Variants in INPP4A observed in about 807,000 individuals in gnomAD.
The protein encoded by INPP4A is inositol polyphosphate-4-phosphatase type I A.
Under a neutral mutation model 119.8 loss-of-function variants are expected in INPP4A, and 33 were observed. The ratio of observed to expected loss-of-function variants is 0.28; its 90% CI spans 0.21 to 0.37. The LOEUF (loss-of-function observed/expected upper bound fraction) is 0.37. INPP4A is among the 10% of genes least tolerant of loss of function. INPP4A has a pLI of 1.00. For synonymous variants in INPP4A, 496 were observed against 500.7 expected, an observed-to-expected ratio of 0.99 and a Z score of 0.12; for missense variants, 956 against 1,289.9, an observed-to-expected ratio of 0.74 and a Z score of 3.97.
At chr2:98,470,829 G>A (rs763047313) in intron 1 of INPP4A, among the ~76,000 whole-genome samples, 3 of 151,922 alleles carry the variant, frequency 2.0e-5, no homozygotes, top group Admixed American at 6.6e-5. Context: ...CACCACGCCC[G>A]GCTAATTTTT....
chr2:98,565,771 AGT>A lies in INPP4A; in HGVS notation c.2279+8_2279+9del. 1 of 1,610,378 alleles carries A rather than the reference AGT, an allele frequency of 6.2e-7. No homozygotes were observed. The highest frequency in any genetic ancestry group is 2.2e-5 in the East Asian group (1 of 44,826). ...GCCCGTCATCACAGGAAATCGGTAG[AGT>A]GTTGGTTTAAAATTCTCTGAGCCAG... On this transcript the variant is annotated splice_donor_region_variant and intron_variant, in intron 20 of 24. Coordinates refer to ENST00000409851, the MANE Select transcript of INPP4A (RefSeq NM_001134225.2).
At chr2:98,583,262 A>G (rs1699584146) in intron 24 of INPP4A, among the ~76,000 whole-genome samples, 1 of 152,196 alleles carries the variant, frequency 6.6e-6, no homozygotes, top group Non-Finnish European at 1.5e-5. Flanking sequence ...TTAAAGTTCC[A>G]ACATCTTTTC....
At chr2:98,496,043 A>G (rs1438134625) in intron 1 of INPP4A, among the ~76,000 whole-genome samples, 1 of 152,194 alleles carries the variant, frequency 6.6e-6, no homozygotes, top group African/African-American at 2.4e-5. Flanking sequence ...GTGTCTTATT[A>G]CTGCAGAGAG....
intron 17 of INPP4A, among the ~76,000 whole-genome samples, chr2:98,561,124 A>G (rs997441454): frequency 6.6e-6 from 1 of 152,218 alleles, no homozygotes; most frequent in Non-Finnish European, 1.5e-5. Flanking sequence ...ATGAGGGGAA[A>G]ATGCAGAAGC....
intron 1 of INPP4A, among the ~76,000 whole-genome samples, chr2:98,469,521 G>A (rs558658642): frequency 9.2e-4 from 137 of 149,160 alleles, no homozygotes; most frequent in Non-Finnish European, 1.6e-3. Flanking sequence ...AAAGAACTTG[G>A]GCCGGGTGCG....
intron 22 of INPP4A, 38 bp from the exon 23 acceptor site, chr2:98,572,777 T>G (rs1423061040): frequency 6.9e-7 from 1 of 1,444,414 alleles, no homozygotes; most frequent in East Asian, 2.5e-5. Context: ...AGTTCCTGGG[T>G]GCGTCACCCA....
chr2:98,553,146 G>A (rs766616136), intron 14 of INPP4A, among the ~76,000 whole-genome samples, 177 bp downstream of exon 14: 1 of 152,202 alleles, frequency 6.6e-6, no homozygotes, highest in Non-Finnish European at 1.5e-5. Context: ...TGATTTGTCC[G>A]CAGAGCTGGA....
intron 23 of INPP4A, among the ~76,000 whole-genome samples, chr2:98,575,313 C>T (rs1159730990): frequency 6.6e-6 from 1 of 152,250 alleles, no homozygotes; most frequent in Admixed American, 6.5e-5. Context: ...GCCTGCCTTC[C>T]AGAACCTCAC....
At chr2:98,515,511 T>A (rs1403925509) in intron 1 of INPP4A, among the ~76,000 whole-genome samples, 1 of 152,216 alleles carries the variant, frequency 6.6e-6, no homozygotes. Context: ...GGGCTTTTTC[T>A]TTGGGTTGAT....
At chr2:98,556,528 C>T (rs971546731) in intron 16 of INPP4A, among the ~76,000 whole-genome samples, 16 of 152,316 alleles carry the variant, frequency 1.1e-4, no homozygotes, top group East Asian at 3.9e-4. Context: ...GAGATGTCTC[C>T]GCCTTTTCCT....
chr2:98,459,175 G>T (rs529241748), intron 1 of INPP4A, among the ~76,000 whole-genome samples: 82 of 152,342 alleles, frequency 5.4e-4, no homozygotes, highest in Non-Finnish European at 1.0e-3. Flanking sequence ...CCAGGAGTGG[G>T]AGTGACACTG....
chr2:98,483,935 A>C (rs766342475), intron 1 of INPP4A, among the ~76,000 whole-genome samples: 1 of 151,828 alleles, frequency 6.6e-6, no homozygotes, highest in Non-Finnish European at 1.5e-5. Context: ...CTGCACCCCC[A>C]TCCCTCCTTG....
intron 1 of INPP4A, among the ~76,000 whole-genome samples, chr2:98,459,008 C>G (rs1433382754): frequency 6.6e-6 from 1 of 152,252 alleles, no homozygotes; most frequent in Non-Finnish European, 1.5e-5. Context: ...TTGATTTTGA[C>G]TGACTTTTAC....
chr2:98,578,464 C>G (rs1322654126), intron 24 of INPP4A, among the ~76,000 whole-genome samples: 1 of 152,200 alleles, frequency 6.6e-6, no homozygotes, highest in African/African-American at 2.4e-5. Context: ...ACAGTCCATG[C>G]GGAAACCTCT....
intron 1 of INPP4A, among the ~76,000 whole-genome samples, chr2:98,473,154 AGT>A (rs1344081834): frequency 1.3e-5 from 2 of 149,126 alleles, no homozygotes; most frequent in African/African-American, 5.0e-5. Flanking sequence ...TGTGGAGGGC[AGT>A]GTGGGTGCAG....
At chr2:98,483,878 C>T (rs952967624) in intron 1 of INPP4A, among the ~76,000 whole-genome samples, 1 of 152,146 alleles carries the variant, frequency 6.6e-6, no homozygotes, top group Non-Finnish European at 1.5e-5. Flanking sequence ...GTCCGGTCTT[C>T]CTCTCCACCC....
At chr2:98,558,978 C>G (rs184441371) in intron 16 of INPP4A, among the ~76,000 whole-genome samples, 379 of 152,306 alleles carry the variant, frequency 2.5e-3, no homozygotes, top group Non-Finnish European at 4.2e-3. Context: ...CTTTGGATCT[C>G]AGCAGTCGAT....
chr2:98,552,275 G>T (rs1040970054), intron 13 of INPP4A, among the ~76,000 whole-genome samples: 8 of 152,196 alleles, frequency 5.3e-5, no homozygotes, highest in Non-Finnish European at 1.0e-4. Context: ...ACGACTGTGG[G>T]TATGTTCACA....
At chr2:98,468,766 T>C (rs1046594525) in intron 1 of INPP4A, among the ~76,000 whole-genome samples, 9 of 152,320 alleles carry the variant, frequency 5.9e-5, no homozygotes, top group African/African-American at 2.2e-4. Flanking sequence ...GGTTCATTGC[T>C]GGACCATGAG....
Sources: gnomAD v4.1 joint callset for allele counts (sites outside exome capture counted in the v4.1 genomes callset) on GRCh38, gnomAD v4.1.1 for gene constraint, MANE v1.5 for transcripts, NCBI Gene and HGNC (gene_info 2026-07-23, HGNC 2026-07-21) for gene names.